NELL2: variants seen among roughly 807,000 people sequenced by gnomAD.
NELL2 encodes protein kinase C-binding protein NELL2.
In NELL2, 41 loss-of-function variants were observed where a neutral mutation model predicts 109.6. That is an observed-to-expected ratio of 0.37 (90% CI 0.29 to 0.49). NELL2 has a LOEUF of 0.49. Among genes scored for constraint, NELL2 ranks in the 20% least tolerant of loss-of-function variants. The pLI is 0.98. For missense variants in NELL2, 900 were observed against 1,008.3 expected, an observed-to-expected ratio of 0.89 and a Z score of 1.45; for synonymous variants, 355 against 344.7, an observed-to-expected ratio of 1.03 and a Z score of -0.33.
intron 15 of NELL2, among the ~76,000 whole-genome samples, chr12:44,571,132 T>C (rs556407040): frequency 1.3e-5 from 2 of 152,294 alleles, no homozygotes; most frequent in Non-Finnish European, 2.9e-5. Flanking sequence ...ACAAAAGCCA[T>C]CTTAGCAGTG....
upstream of NELL2, among the ~76,000 whole-genome samples, chr12:44,918,279 A>C (rs1011931030): frequency 1.3e-5 from 2 of 152,318 alleles, no homozygotes; most frequent in African/African-American, 4.8e-5. Context: ...AGGGAAAAGA[A>C]AAAAAGACTC....
chr12:44,835,510 G>T (rs1434118396), intron 2 of NELL2, among the ~76,000 whole-genome samples: 1 of 152,194 alleles, frequency 6.6e-6, no homozygotes, highest in African/African-American at 2.4e-5. Context: ...TCGTCCCAAA[G>T]CAGGCTGCAG....
chr12:44,510,556 C>T (rs1174268294), intron 19 of NELL2, among the ~76,000 whole-genome samples: 1 of 152,196 alleles, frequency 6.6e-6, no homozygotes, highest in African/African-American at 2.4e-5. Context: ...CTAGCCTTTG[C>T]TAAAGCACAC....
intron 15 of NELL2, among the ~76,000 whole-genome samples, chr12:44,603,356 A>G (rs1423433643): frequency 6.6e-6 from 1 of 152,160 alleles, no homozygotes; most frequent in Non-Finnish European, 1.5e-5. Flanking sequence ...GGGGACTGTC[A>G]AATCTTTTAG....
At chr12:44,542,921 T>C (rs1942643650) in intron 15 of NELL2, among the ~76,000 whole-genome samples, 1 of 152,144 alleles carries the variant, frequency 6.6e-6, no homozygotes, top group African/African-American at 2.4e-5. Flanking sequence ...CACCAGAAGC[T>C]GGAAGATGCA....
Position 44,814,835 on chromosome 12 carries a change from G to T in NELL2, c.335+1151C>A, listed in dbSNP as rs143533644. The stretch of plus-strand genomic sequence containing the variant: ...CGTTTGCTCTTTAGTATTTAGTAAA[G>T]ATGTGCAAAGTCCCAGACTGCCTCA... On this transcript the variant is annotated intron_variant, in intron 3 of 19. Coordinates refer to ENST00000429094, the MANE Select transcript of NELL2 (RefSeq NM_001145108.2). Among the ~76,000 whole-genome samples, 775 of 152,300 alleles carry T rather than the reference G, an allele frequency of 5.1e-3. 8 individuals carry two copies. The highest frequency in any genetic ancestry group is 0.017 in the African/African-American group (727 of 41,556).
At chr12:44,902,934 T>C (rs1272128043) in intron 1 of NELL2, among the ~76,000 whole-genome samples, 1 of 152,112 alleles carries the variant, frequency 6.6e-6, no homozygotes, top group Non-Finnish European at 1.5e-5. Context: ...ACGTAAGACC[T>C]AAAACCATAA....
At chr12:44,670,239 T>G (rs766111660) in intron 12 of NELL2, among the ~76,000 whole-genome samples, 5 of 152,098 alleles carry the variant, frequency 3.3e-5, no homozygotes, top group Non-Finnish European at 7.4e-5. Flanking sequence ...AAAAAATGTT[T>G]AAGGTAATCC....
At chr12:44,799,083 C>G (rs191187657) in intron 3 of NELL2, among the ~76,000 whole-genome samples, 393 of 150,986 alleles carry the variant, frequency 2.6e-3, no homozygotes, top group Middle Eastern at 6.8e-3. Flanking sequence ...CTCAGCCTCC[C>G]GAGTAGCTAG....
intron 15 of NELL2, among the ~76,000 whole-genome samples, chr12:44,556,768 G>A (rs1439078058): frequency 6.6e-6 from 1 of 152,204 alleles, no homozygotes; most frequent in African/African-American, 2.4e-5. Flanking sequence ...TGCAAAGCAA[G>A]TGACTTCTAA....
At chr12:44,592,380 A>T (rs1019316177) in intron 15 of NELL2, among the ~76,000 whole-genome samples, 3 of 152,216 alleles carry the variant, frequency 2.0e-5, no homozygotes, top group Non-Finnish European at 4.4e-5. Flanking sequence ...ATAATAAAGG[A>T]AAAGGTCTTG....
chr12:44,722,949 G>T (rs1938859628), intron 9 of NELL2, among the ~76,000 whole-genome samples: 2 of 152,250 alleles, frequency 1.3e-5, no homozygotes, highest in South Asian at 4.2e-4. Flanking sequence ...AGCACTTTGG[G>T]AGGCCGAGGT....
rs1040391160 is a variant in NELL2 at position 44,770,936 on chromosome 12, A to G, written c.994+3811T>C. ...ATGTAATAGCATTAATATTCAGAAA[A>G]ATTAAATTGTTTCCTAAATTCAGTG... On this transcript the variant is annotated intron_variant, in intron 9 of 19. Coordinates refer to ENST00000429094, the MANE Select transcript of NELL2 (RefSeq NM_001145108.2). 2.6e-5 allele frequency among the ~76,000 whole-genome samples: 4 copies of G among 152,178 alleles called. No homozygotes were observed. In the South Asian group the frequency reaches 6.2e-4, roughly 24 times the overall value.
intron 1 of NELL2, among the ~76,000 whole-genome samples, chr12:44,890,310 C>T (rs1028471805): frequency 2.6e-5 from 4 of 152,096 alleles, no homozygotes; most frequent in Non-Finnish European, 5.9e-5. Context: ...GTATTCACAG[C>T]GCTAAGTACA....
intron 13 of NELL2, among the ~76,000 whole-genome samples, chr12:44,640,222 T>C (rs1451916850): frequency 6.6e-6 from 1 of 152,152 alleles, no homozygotes; most frequent in East Asian, 1.9e-4. Context: ...TTTAAATTTA[T>C]TGCACACTTG....
At chr12:44,748,979 C>T (rs11182633) in intron 9 of NELL2, among the ~76,000 whole-genome samples, 33,268 of 152,028 alleles carry the variant, frequency 0.22, 4,212 homozygotes, top group African/African-American at 0.36. Context: ...GGCAAAATGA[C>T]TCTGATACAG....
chr12:44,525,004 T>C (rs562048849), intron 16 of NELL2, among the ~76,000 whole-genome samples: 1 of 152,298 alleles, frequency 6.6e-6, no homozygotes. Context: ...TTGTCTCCCA[T>C]TACATATTTC....
chr12:44,716,549 T>C (rs1011004177), intron 9 of NELL2, among the ~76,000 whole-genome samples: 13 of 152,176 alleles, frequency 8.5e-5, no homozygotes, highest in African/African-American at 2.7e-4. Flanking sequence ...CTCTCTGACA[T>C]CTAATTTTTA....
At chr12:44,900,812 A>G (rs1399159732) in intron 1 of NELL2, among the ~76,000 whole-genome samples, 1 of 152,174 alleles carries the variant, frequency 6.6e-6, no homozygotes, top group East Asian at 1.9e-4. Flanking sequence ...AACATGGTGA[A>G]ACCCCATCTC....
Sources: allele counts gnomAD v4.1 joint callset (sites outside exome capture counted in the v4.1 genomes callset), GRCh38; gene constraint gnomAD v4.1.1; transcripts MANE v1.5; gene names NCBI Gene and HGNC (gene_info 2026-07-23, HGNC 2026-07-21).